The following DPPA2 variants were observed in gnomAD, a reference collection of about 807,000 sequenced individuals.
DPPA2 encodes the protein developmental pluripotency-associated protein 2.
In DPPA2, 26 loss-of-function variants were observed where a neutral mutation model predicts 36.2. The observed-to-expected ratio is 0.72, with a 90% CI of 0.53 to 1.00. The LOEUF (loss-of-function observed/expected upper bound fraction) is 1.00, where lower values mean the gene tolerates loss of function less well. DPPA2 is among the 50% of genes least tolerant of loss of function. DPPA2 has a pLI of 0.00. For synonymous variants in DPPA2, 113 were observed against 123.2 expected (o/e 0.92, Z 0.55); for missense variants, 361 against 365.1 (o/e 0.99, Z 0.09).
chr3:109,297,455 C>G (rs890802146), intron 8 of DPPA2, among the ~76,000 whole-genome samples: 2 of 150,532 alleles, frequency 1.3e-5, no homozygotes, highest in African/African-American at 4.9e-5. Flanking sequence ...ACCCAGGAGG[C>G]AAAGGTTGCA....
chr3:109,304,638 G>A lies in DPPA2; in HGVS notation c.691C>T (p.Leu231Phe). 1 of 1,612,142 alleles carries A rather than the reference G, an allele frequency of 6.2e-7. No homozygotes were observed. Among genetic ancestry groups the A allele is most frequent in the Non-Finnish European group, 8.5e-7 (1 of 1,179,328 alleles). The change falls in exon 7 of 9, where the codon CTC becomes TTC. Residue 231 changes from leucine (L) to phenylalanine (F), a missense_variant. By Grantham distance (22) the Leu-to-Phe change is conservative. Coordinates refer to ENST00000478945, the MANE Select transcript of DPPA2 (RefSeq NM_138815.4). ...VRWCVVHGRL[L>F]SADTKGWVRL... ...ACCCAACCCTTTGTGTCTGCCGAGA[G>A]AAGTCTGCCATGGACCACACACCAC... is the stretch of plus-strand genomic sequence containing the variant.
chr3:109,316,061 AT>A (rs1008411151), intron 1 of DPPA2, among the ~76,000 whole-genome samples: 9 of 151,798 alleles, frequency 5.9e-5, no homozygotes, highest in Non-Finnish European at 1.3e-4. Flanking sequence ...CCTCCAGGTA[AT>A]TTTTTCTTTT....
Position 109,309,185 on chromosome 3 carries a change from CA to C in DPPA2, c.326del (p.Leu109Ter), listed in dbSNP as rs1482887723. On this transcript the variant is annotated frameshift_variant, in exon 4 of 9. Coordinates refer to ENST00000478945, the MANE Select transcript of DPPA2 (RefSeq NM_138815.4). LOFTEE classifies it high-confidence loss of function. The stretch of plus-strand genomic sequence containing the variant: ...GTGTACTAACCTTGCCATTAGTACT[CA>C]AACCGAGTTGTTGACACCAGTCCCG... ...TLRDWCQQLG[L>X]STNGKKIEVY... The C allele has an allele frequency of 6.2e-7, 1 of 1,614,128 alleles. No individual in the cohort carries two copies.
At chr3:109,311,306 T>C (rs1174954780) in intron 3 of DPPA2, among the ~76,000 whole-genome samples, 3 of 152,184 alleles carry the variant, frequency 2.0e-5, no homozygotes, top group Non-Finnish European at 4.4e-5. Flanking sequence ...CAATCAACAA[T>C]GGTCCACATC....
At chr3:109,299,686 CA>C (rs755862175) in intron 8 of DPPA2, among the ~76,000 whole-genome samples, 131 of 50,362 alleles carry the variant, frequency 2.6e-3, no homozygotes, top group Admixed American at 3.6e-3. Context: ...GACCCCGTCT[CA>C]AAAAAAAAAA....
intron 8 of DPPA2, among the ~76,000 whole-genome samples, chr3:109,299,083 G>A (rs370514660): frequency 3.3e-5 from 5 of 151,850 alleles, no homozygotes; most frequent in East Asian, 1.9e-4. Flanking sequence ...AAAGAGGCCG[G>A]GCACGGTGGC....
chr3:109,311,465 C>A (rs955830788), intron 3 of DPPA2, among the ~76,000 whole-genome samples: 10 of 152,214 alleles, frequency 6.6e-5, no homozygotes, highest in African/African-American at 2.2e-4. Flanking sequence ...TTGGGCCGGT[C>A]GCAGTGGCTC....
intron 1 of DPPA2, 54 bp from the exon 2 acceptor site, chr3:109,314,609 C>T: frequency 6.7e-7 from 1 of 1,495,834 alleles, no homozygotes; most frequent in Non-Finnish European, 9.1e-7. Context: ...CTTCTCTTAA[C>T]CTGCTTTCTC....
At chr3:109,304,434 C>T (rs775061422) in intron 7 of DPPA2, 41 bp downstream of exon 7, 1 of 1,544,668 alleles carries the variant, frequency 6.5e-7, no homozygotes, top group Non-Finnish European at 8.7e-7. Context: ...TATACACCTA[C>T]TTTTCTGTGT....
chr3:109,312,514 GTAAC>G (rs747927992), intron 3 of DPPA2, 27 bp downstream of exon 3: 2 of 1,592,314 alleles, frequency 1.3e-6, no homozygotes, highest in Admixed American at 1.7e-5. Flanking sequence ...AGTTGTAGGA[GTAAC>G]TAACTGAGCA....
Position 109,308,014 on chromosome 3 carries a change from C to CT in DPPA2, c.658+17dup, listed in dbSNP as rs1235096192. The CT allele has an allele frequency of 4.3e-6, 7 of 1,611,940 alleles. No individual in the cohort carries two copies. Among genetic ancestry groups the CT allele is most frequent in the Non-Finnish European group, 5.1e-6 (6 of 1,178,374 alleles). On this transcript the variant is annotated intron_variant, in intron 6 of 8. Transcript: ENST00000478945. ...CTTGTCCTCTGGAGTGGGACTCACA[C>CT]TTTAAGGTTGATCTTACCAGAGGCT...
intron 8 of DPPA2, among the ~76,000 whole-genome samples, chr3:109,298,106 C>G (rs1707384994): frequency 6.6e-6 from 1 of 151,910 alleles, no homozygotes; most frequent in Non-Finnish European, 1.5e-5. Flanking sequence ...GCAAAAAGAT[C>G]TATGGTTTCC....
intron 3 of DPPA2, among the ~76,000 whole-genome samples, chr3:109,312,229 A>G (rs1386815741): frequency 1.3e-5 from 2 of 151,620 alleles, no homozygotes. Context: ...AGTGACTTGG[A>G]AGGCTGAGGC....
At chr3:109,303,649 A>C (rs953689424) in intron 7 of DPPA2, among the ~76,000 whole-genome samples, 1 of 152,054 alleles carries the variant, frequency 6.6e-6, no homozygotes, top group Non-Finnish European at 1.5e-5. Flanking sequence ...GATTACAGGC[A>C]TGAGCCACCG....
rs748550496 is a variant in DPPA2 at position 109,309,190 on chromosome 3, C to T, written c.322G>A (p.Gly108Ser). 4.3e-5 allele frequency: 69 copies of T among 1,613,944 alleles called. No individual in the cohort carries two copies. In the East Asian group the frequency reaches 6.7e-4, roughly 16 times the overall value. Residue 108 changes from glycine (G) to serine (S), a missense_variant, in exon 4 of 9, where the codon GGT (glycine) becomes AGT (serine). Transcript: ENST00000478945. ...DTLRDWCQQL[G>S]LSTNGKKIEV... The stretch of plus-strand genomic sequence containing the variant: ...CTAACCTTGCCATTAGTACTCAAAC[C>T]GAGTTGTTGACACCAGTCCCGCAAA...
At chr3:109,303,372 CTTTT>C (rs1198518930) in intron 7 of DPPA2, among the ~76,000 whole-genome samples, 4 of 142,510 alleles carry the variant, frequency 2.8e-5, no homozygotes, top group African/African-American at 5.1e-5. Flanking sequence ...TTTTCTTACT[CTTTT>C]TTTTTTTTTT....
chr3:109,308,082 T>C lies in DPPA2; in HGVS notation c.608A>G (p.Asn203Ser), dbSNP rs374110637. Residue 203 changes from asparagine (N) to serine (S), a missense_variant, in exon 6 of 9, where the codon AAT becomes AGT. Coordinates refer to ENST00000478945, the MANE Select transcript of DPPA2 (RefSeq NM_138815.4). ...AACAGAAACAGGAATGGAACATGAATTCAAAGCCTTAGGCTGAACAGCTCT... is the reference window on the plus strand; with the variant it reads ...AACAGAAACAGGAATGGAACATGAACTCAAAGCCTTAGGCTGAACAGCTCT... Reference protein sequence around the residue: ...AARAVQPKALNSCSIPVSVEA... With the variant: ...AARAVQPKALSSCSIPVSVEA... The C allele has an allele frequency of 1.9e-6, 3 of 1,614,100 alleles. No homozygotes were observed. The highest frequency in any genetic ancestry group is 2.5e-6 in the Non-Finnish European group (3 of 1,180,044).
chr3:109,294,759 C>T (rs756078534), intron 8 of DPPA2, among the ~76,000 whole-genome samples: 83 of 152,196 alleles, frequency 5.5e-4, no homozygotes, highest in Non-Finnish European at 2.1e-4. Context: ...CGCGGCGGCT[C>T]ATGCCTGTAA....
chr3:109,313,087 T>G (rs930440621), intron 2 of DPPA2, among the ~76,000 whole-genome samples: 1 of 152,158 alleles, frequency 6.6e-6, no homozygotes, highest in South Asian at 2.1e-4. Context: ...AATTCCCATA[T>G]CAAATTTCAC....
Sources: allele counts gnomAD v4.1 joint callset (sites outside exome capture counted in the v4.1 genomes callset), GRCh38; gene constraint gnomAD v4.1.1; transcripts MANE v1.5; gene names NCBI Gene and HGNC (gene_info 2026-07-23, HGNC 2026-07-21).